Variants in PDCD6IP observed in about 807,000 individuals in gnomAD.
PDCD6IP encodes the protein programmed cell death 6-interacting protein.
In PDCD6IP, 43 loss-of-function variants were observed where a neutral mutation model predicts 103.7. That is an observed-to-expected ratio of 0.41 (90% CI 0.32 to 0.53). PDCD6IP has a LOEUF of 0.53. PDCD6IP is among the 20% of genes least tolerant of loss of function. The pLI is 0.16. For missense variants in PDCD6IP, 871 were observed against 1,036.7 expected, an observed-to-expected ratio of 0.84 and a Z score of 2.20; for synonymous variants, 354 against 378.7, an observed-to-expected ratio of 0.93 and a Z score of 0.76.
chr3:33,824,510 A>T (rs938086245), intron 4 of PDCD6IP, among the ~76,000 whole-genome samples: 1 of 152,104 alleles, frequency 6.6e-6, no homozygotes. Context: ...TGCCCACCTC[A>T]GCCTCCCAAA....
intron 15 of PDCD6IP, 176 bp from the exon 16 acceptor site, chr3:33,863,830 C>G: frequency 1.7e-6 from 1 of 578,452 alleles, no homozygotes; most frequent in Non-Finnish European, 3.1e-6. Flanking sequence ...TTTGAGGGAC[C>G]TCCATACTGT....
At chr3:33,852,852 T>C in intron 13 of PDCD6IP, 116 bp downstream of exon 13, 3 of 1,235,078 alleles carry the variant, frequency 2.4e-6, no homozygotes, top group Non-Finnish European at 2.1e-6. Context: ...TAGTTAAGAG[T>C]AGAACTTAAT....
At position 33,866,421 on chromosome 3, in the gene PDCD6IP, C is replaced by A. The variant is rs1698066241; in HGVS notation, c.2503C>A (p.Pro835Thr). 6.2e-7 allele frequency: 1 copy of A among 1,611,360 alleles called. No individual in the cohort carries two copies. Among genetic ancestry groups the A allele is most frequent in the Admixed American group, 1.7e-5 (1 of 59,494 alleles). The part of the protein sequence containing the change: ...AYGQYNMPYP[P>T]VYHQSPGQAP... ...TGGCCAGTATAATATGCCATATCCACCAGTGTATCACCAGAGTCCTGGACA... is the reference window on the plus strand; with the variant it reads ...TGGCCAGTATAATATGCCATATCCAACAGTGTATCACCAGAGTCCTGGACA... Residue 835 changes from proline to threonine, a missense_variant, in exon 18 of 18, where the codon CCA becomes ACA. By Grantham distance (38) the Pro-to-Thr change is conservative (BLOSUM62 -1). Around this residue, in one of 5 missense-constraint regions of PDCD6IP, gnomAD observed 202 missense variants for 205.2 expected, o/e 0.98. Coordinates refer to ENST00000307296, the MANE Select transcript of PDCD6IP (RefSeq NM_013374.6).
chr3:33,857,912 T>C (rs1168077937), intron 15 of PDCD6IP, among the ~76,000 whole-genome samples: 1 of 152,184 alleles, frequency 6.6e-6, no homozygotes, highest in African/African-American at 2.4e-5. Context: ...CTGTCAGCAC[T>C]ATTTTTAAAT....
rs948874400 is a variant in PDCD6IP at position 33,798,894 on chromosome 3, C to A, written c.166C>A (p.Arg56Ser). The A allele has an allele frequency of 3.2e-6, 5 of 1,547,190 alleles. No homozygotes were observed. Among genetic ancestry groups the A allele is most frequent in the African/African-American group, 1.4e-5 (1 of 72,916 alleles). The change falls in exon 1 of 18, where the codon CGT becomes AGT. Residue 56 changes from arginine to serine, a missense_variant. Physicochemically the swap from Arg to Ser is moderately radical, Grantham distance 110. Transcript: ENST00000307296. ...CAAGCTGCGCCGCGCCGCAGTCGGT[C>A]GTCCGCTGGACAAGCACGAGGGCGC... ...LSKLRRAAVG[R>S]PLDKHEGALE... is the part of the protein sequence containing the mutation.
At chr3:33,837,278 T>C (rs555686589) in intron 8 of PDCD6IP, among the ~76,000 whole-genome samples, 9 of 152,322 alleles carry the variant, frequency 5.9e-5, no homozygotes, top group African/African-American at 2.2e-4. Flanking sequence ...ATACATGTTA[T>C]TATATTGTAG....
At chr3:33,823,094 T>G (rs1393773474) in intron 4 of PDCD6IP, among the ~76,000 whole-genome samples, 1 of 152,230 alleles carries the variant, frequency 6.6e-6, no homozygotes, top group Non-Finnish European at 1.5e-5. Flanking sequence ...TCATGTACAT[T>G]ATTTGACTCT....
chr3:33,799,688 TTA>T (rs1696424876), intron 1 of PDCD6IP: 2 of 152,234 alleles, frequency 1.3e-5, no homozygotes, highest in South Asian at 4.1e-4. Context: ...TTTTACGATT[TTA>T]TAGTTAAACA....
chr3:33,866,313 G>T, intron 17 of PDCD6IP, 38 bp from the exon 18 acceptor site: 1 of 1,252,606 alleles, frequency 8.0e-7, no homozygotes, highest in South Asian at 1.7e-5. Flanking sequence ...TTTAGTATTT[G>T]ATTTACCAAT....
At chr3:33,814,267 C>A (rs779677870) in intron 3 of PDCD6IP, among the ~76,000 whole-genome samples, 4 of 151,744 alleles carry the variant, frequency 2.6e-5, no homozygotes, top group Non-Finnish European at 5.9e-5. Context: ...ATTCTTCTAC[C>A]TCAGCTGGGA....
intron 14 of PDCD6IP, 78 bp downstream of exon 14, chr3:33,854,091 C>G (rs1369279050): frequency 1.4e-6 from 2 of 1,441,514 alleles, no homozygotes; most frequent in Non-Finnish European, 1.8e-6. Context: ...AGTGGTATTT[C>G]CAGTTGAACC....
In PDCD6IP at chr3:33,866,370, C is replaced by G; in HGVS notation, c.2452C>G (p.Pro818Ala). Residue 818 changes from proline (P) to alanine (A), a missense_variant, in exon 18 of 18, where the codon CCC (proline) becomes GCC (alanine). Pro to Ala is a conservative substitution (Grantham distance 27). This residue lies in a region of PDCD6IP where 202 missense variants were observed against 205.2 expected (regional missense o/e 0.98). Transcript: ENST00000307296. The part of the protein sequence containing the change: ...GYPGYCQMPM[P>A]MGYNPYAYGQ... ...TATCAGGTATTGCCAAATGCCCATG[C>G]CCATGGGCTATAATCCTTATGCGTA... 6.4e-7 allele frequency: 1 copy of G among 1,572,832 alleles called. No individual in the cohort carries two copies. The highest frequency in any genetic ancestry group is 8.6e-7 in the Non-Finnish European group (1 of 1,161,064).
chr3:33,808,912 A>G (rs1331717467), intron 1 of PDCD6IP, among the ~76,000 whole-genome samples: 1 of 152,178 alleles, frequency 6.6e-6, no homozygotes, highest in Non-Finnish European at 1.5e-5. Flanking sequence ...TCTCCTTGCC[A>G]TGCCAGATAC....
chr3:33,809,038 C>G (rs975867711), intron 1 of PDCD6IP, among the ~76,000 whole-genome samples: 3 of 152,178 alleles, frequency 2.0e-5, no homozygotes, highest in Admixed American at 6.5e-5. Flanking sequence ...TATGGTCATG[C>G]TGTTTTAGAG....
At position 33,865,359 on chromosome 3, in the gene PDCD6IP, A is replaced by G; in HGVS notation, c.2361A>G (p.Ser787=). Residue 787 remains serine (S), a synonymous_variant, in exon 17 of 18, where the codon TCA becomes TCG. Transcript: ENST00000307296. ...CTGGGACTGCTGCGCCAGCTCCATC[A>G]CAAACGCCTGGCTCAGCTCCTCCTC... ...VGAGTAAPAP[S]QTPGSAPPPQ... is the part of the protein sequence containing the mutation. The G allele has an allele frequency of 1.2e-6, 2 of 1,601,172 alleles. No homozygotes were observed. The highest frequency in any genetic ancestry group is 1.7e-6 in the Non-Finnish European group (2 of 1,174,440).
chr3:33,808,020 A>G (rs1239278279), intron 1 of PDCD6IP, among the ~76,000 whole-genome samples: 2 of 152,164 alleles, frequency 1.3e-5, no homozygotes, highest in Non-Finnish European at 2.9e-5. Context: ...ACAAACCAGA[A>G]TTTTAGGTTT....
chr3:33,845,938 T>C (rs1697582143), intron 12 of PDCD6IP, among the ~76,000 whole-genome samples: 1 of 152,244 alleles, frequency 6.6e-6, no homozygotes, highest in East Asian at 1.9e-4. Context: ...AAATTCTTTA[T>C]TTCTTACATT....
chr3:33,829,594 T>C (rs1263627981), intron 7 of PDCD6IP, among the ~76,000 whole-genome samples: 1 of 152,154 alleles, frequency 6.6e-6, no homozygotes, highest in African/African-American at 2.4e-5. Flanking sequence ...TGTGACATTA[T>C]GGCACCTGAG....
Position 33,853,922 on chromosome 3 carries a change from A to C in PDCD6IP, c.1934A>C (p.Glu645Ala), listed in dbSNP as rs1697773502. Residue 645 changes from glutamate to alanine, a missense_variant, in exon 14 of 18, where the codon GAA becomes GCA. Coordinates refer to ENST00000307296, the MANE Select transcript of PDCD6IP (RefSeq NM_013374.6). Reference sequence around the variant, plus strand: ...TCAAAAATGAAACAATCTAATAATGAAGCTAACTTAAGAGAAGAAGTTTTG... The same window carrying C: ...TCAAAAATGAAACAATCTAATAATGCAGCTAACTTAAGAGAAGAAGTTTTG... Reference protein sequence around the residue: ...EFSKMKQSNNEANLREEVLKN... With the variant: ...EFSKMKQSNNAANLREEVLKN... The C allele has an allele frequency of 4.4e-6, 7 of 1,583,410 alleles. No individual in the cohort carries two copies. Among genetic ancestry groups the C allele is most frequent in the Non-Finnish European group, 6.0e-6 (7 of 1,169,744 alleles).
Sources: gnomAD v4.1 joint callset for allele counts (sites outside exome capture counted in the v4.1 genomes callset) on GRCh38, gnomAD v4.1.1 for gene constraint, gnomAD v4.1.1 regional missense constraint, MANE v1.5 for transcripts, NCBI Gene and HGNC (gene_info 2026-07-23, HGNC 2026-07-21) for gene names.